TRIL: variants seen among roughly 807,000 people sequenced by gnomAD.
TRIL encodes the protein TLR4 interactor with leucine rich repeats.
In TRIL, 23 loss-of-function variants were observed where a neutral mutation model predicts 43.0. The ratio of observed to expected loss-of-function variants is 0.54; its 90% CI spans 0.39 to 0.76. TRIL has a LOEUF of 0.76. Ranked by LOEUF, TRIL falls within the 30% of genes least tolerant of loss-of-function variation. The pLI, the probability that TRIL is intolerant of heterozygous loss-of-function variation, is 0.00. For synonymous variants in TRIL, 602 were observed against 556.8 expected, an observed-to-expected ratio of 1.08 and a Z score of -1.14; for missense variants, 1,114 against 1,139.3, an observed-to-expected ratio of 0.98 and a Z score of 0.32.
rs925808380 is a variant in TRIL, at chr7:28,955,826, T to G, written c.2221A>C (p.Met741Leu). The G allele has an allele frequency of 1.3e-6, 2 of 1,549,834 alleles. No individual in the cohort carries two copies. Among genetic ancestry groups the G allele is most frequent in the Non-Finnish European group, 1.7e-6 (2 of 1,146,738 alleles). Residue 741 changes from methionine to leucine, a missense_variant, in exon 1 of 1, where the codon ATG becomes CTG. By Grantham distance (15) the Met-to-Leu change is conservative (BLOSUM62 2). Coordinates refer to ENST00000539664, the MANE Select transcript of TRIL (RefSeq NM_014817.4). Reference protein sequence around the residue: ...KGGAPVHVRHMYSTRRPLRSM... With the variant: ...KGGAPVHVRHLYSTRRPLRSM... ...CGCAGGGGCCGTCGGGTGGAGTACA[T>G]GTGCCGAACGTGGACCGGGGCCCCG... is the stretch of plus-strand genomic sequence containing the variant.
chr7:28,955,304 C>A lies in TRIL; in HGVS notation c.*307G>T. 2 of 383,820 alleles carry A rather than the reference C, an allele frequency of 5.2e-6. 1 individual carries two copies. Among genetic ancestry groups the A allele is most frequent in the South Asian group, 2.2e-4 (2 of 9,080 alleles). The allele number at this position is 383,820 out of a possible 1,614,324, so 23.8% of individuals were successfully genotyped here. On this transcript the variant is annotated 3_prime_UTR_variant, in exon 1 of 1. Coordinates refer to ENST00000539664, the MANE Select transcript of TRIL (RefSeq NM_014817.4). ...GGCACAAGCACCCCCTTTCTACCCC[C>A]AAAGCCTGGCTTCTGCATTGCAGTG...
rs2128114537 is a variant in TRIL, at chr7:28,957,517, G to A, written c.530C>T (p.Pro177Leu). ...LGALPDAVFA[P>L]LGNLLYLHLE... ...ATGTAGGTAGAGCAGGTTGCCCAAGGGAGCGAAGACCGCGTCCGGCAGCGC... is the reference window on the plus strand; with the variant it reads ...ATGTAGGTAGAGCAGGTTGCCCAAGAGAGCGAAGACCGCGTCCGGCAGCGC... Residue 177 changes from proline (P) to leucine (L), a missense_variant, in exon 1 of 1, where the codon CCC becomes CTC. Pro to Leu is a moderately conservative substitution (Grantham distance 98, BLOSUM62 -3). Transcript: ENST00000539664. 1 of 1,613,160 alleles carries A rather than the reference G, an allele frequency of 6.2e-7. No individual in the cohort carries two copies. The highest frequency in any genetic ancestry group is 8.5e-7 in the Non-Finnish European group (1 of 1,179,830).
chr7:28,956,356 G>A lies in TRIL; in HGVS notation c.1691C>T (p.Ala564Val). The change falls in exon 1 of 1, where the codon GCC (alanine) becomes GTC (valine). Residue 564 changes from alanine (A) to valine (V), a missense_variant. By Grantham distance (64) the Ala-to-Val change is moderately conservative. Transcript: ENST00000539664. ...CAGCCCGGCCCCACCGTCGGACTGG[G>A]CGGCACGCTCCTGGTGCTCCGTGCC... The part of the protein sequence containing the change: ...RLGTEHQERA[A>V]QSDGGAGLPP... 6.5e-7 allele frequency: 1 copy of A among 1,532,282 alleles called. No homozygotes were observed. 94.9% of individuals were successfully genotyped at this position (1,532,282 alleles called of 1,614,324 possible). A position where few individuals can be genotyped will look rare whatever the true frequency, so the allele number is the denominator to read the frequency against.
Position 28,956,190 on chromosome 7 carries a change from G to T in TRIL, c.1857C>A (p.Arg619=). The part of the protein sequence containing the change: ...HRSPRPLGGA[R]FRLLFDRFGQ... Reference sequence around the variant, plus strand: ...CAAAGCGGTCAAAGAGCAGGCGGAAGCGCGCGCCGCCCAGCGGCCGGGGAC... The same window carrying T: ...CAAAGCGGTCAAAGAGCAGGCGGAATCGCGCGCCGCCCAGCGGCCGGGGAC... The change falls in exon 1 of 1, where the codon CGC becomes CGA. Residue 619 remains arginine, a synonymous_variant. Coordinates refer to ENST00000539664, the MANE Select transcript of TRIL (RefSeq NM_014817.4). The T allele has an allele frequency of 6.4e-7, 1 of 1,568,760 alleles. No individual in the cohort carries two copies.
rs1783410167 is a variant in TRIL, at chr7:28,956,718, A to G, written c.1329T>C (p.Pro443=). ...PTAAGEEMTP[P]AGLAEELPPQ... is the part of the protein sequence containing the mutation. ...GCGGCAGCTCCTCCGCGAGACCTGC[A>G]GGTGGCGTCATCTCCTCCCCTGCGG... Residue 443 remains proline, a synonymous_variant, in exon 1 of 1, where the codon CCT becomes CCC. Coordinates refer to ENST00000539664, the MANE Select transcript of TRIL (RefSeq NM_014817.4). 2.5e-6 allele frequency: 4 copies of G among 1,600,878 alleles called. No homozygotes were observed. The highest frequency in any genetic ancestry group is 2.2e-5 in the East Asian group (1 of 44,672).
Position 28,958,005 on chromosome 7 carries a change from G to A in TRIL, c.42C>T (p.Cys14=). The stretch of plus-strand genomic sequence containing the variant: ...CCAGCGGCGGGAGCGCGAGGCAGCC[G>A]CACACCACGAGCAGGAGGCGCAAGG... The part of the protein sequence containing the change: ...ARALRLLLVV[C]GCLALPPLAE... Residue 14 remains cysteine (C), a synonymous_variant, in exon 1 of 1, where the codon TGC becomes TGT. Transcript: ENST00000539664. 6.3e-7 allele frequency: 1 copy of A among 1,593,466 alleles called. No homozygotes were observed. Among genetic ancestry groups the A allele is most frequent in the Non-Finnish European group, 8.5e-7 (1 of 1,176,028 alleles).
chr7:28,954,410 A>G lies in TRIL; in HGVS notation c.*1201T>C, dbSNP rs1268278609. 2 of 152,660 alleles carry G rather than the reference A, an allele frequency of 1.3e-5. No individual in the cohort carries two copies. The highest frequency in any genetic ancestry group is 2.9e-5 in the Non-Finnish European group (2 of 68,044). 9.5% of individuals were successfully genotyped at this position (152,660 alleles called of 1,614,324 possible). ...CAGTGAGGTTTAAGTACTCATAACA[A>G]TCTTCTGGTTTTAGTAGAACAGATA... On this transcript the variant is annotated 3_prime_UTR_variant, in exon 1 of 1. Coordinates refer to ENST00000539664, the MANE Select transcript of TRIL (RefSeq NM_014817.4).
In TRIL at chr7:28,957,906, G is replaced by A. The variant is rs754261518; in HGVS notation, c.141C>T (p.Arg47=). ...GCAGCGAGCTGGTCTTGGGCACTAC[G>A]CGGAGCCCCCTGTTGGTGCACAGGA... The part of the protein sequence containing the change: ...QHLLCTNRGL[R]VVPKTSSLPS... The change falls in exon 1 of 1, where the codon CGC becomes CGT. Residue 47 remains arginine, a synonymous_variant. Transcript: ENST00000539664. 1 of 1,612,650 alleles carries A rather than the reference G, an allele frequency of 6.2e-7. No individual in the cohort carries two copies. The highest frequency in any genetic ancestry group is 2.2e-5 in the East Asian group (1 of 44,864).
In TRIL at chr7:28,957,213, G is replaced by A. The variant is rs1246494239; in HGVS notation, c.834C>T (p.Ala278=). ...TACCCTCCAGGCGCAGCTCGCGCAGGGCCTCCAAGCCCCAAAAGGCCTCAG... is the reference window on the plus strand; with the variant it reads ...TACCCTCCAGGCGCAGCTCGCGCAGAGCCTCCAAGCCCCAAAAGGCCTCAG... ...LAPEAFWGLE[A]LRELRLEGNR... is the part of the protein sequence containing the mutation. Residue 278 remains alanine, a synonymous_variant, in exon 1 of 1, where the codon GCC becomes GCT. Coordinates refer to ENST00000539664, the MANE Select transcript of TRIL (RefSeq NM_014817.4). 1.2e-6 allele frequency: 2 copies of A among 1,603,770 alleles called. No homozygotes were observed. The highest frequency in any genetic ancestry group is 3.4e-5 in the Admixed American group (2 of 59,486).
chr7:28,957,173 G>C lies in TRIL; in HGVS notation c.874C>G (p.Leu292Val). Reference protein sequence around the residue: ...LRLEGNRLSQLPTALLEPLHS... With the variant: ...LRLEGNRLSQVPTALLEPLHS... The stretch of plus-strand genomic sequence containing the variant: ...AGAGGCTCCAGCAGCGCAGTTGGCA[G>C]CTGGCTCAGCCGATTACCCTCCAGG... The change falls in exon 1 of 1, where the codon CTG becomes GTG. Residue 292 changes from leucine to valine, a missense_variant. Transcript: ENST00000539664. 1 of 1,594,638 alleles carries C rather than the reference G, an allele frequency of 6.3e-7. No individual in the cohort carries two copies. The highest frequency in any genetic ancestry group is 8.5e-7 in the Non-Finnish European group (1 of 1,173,898).
chr7:28,954,017 A>G lies in TRIL; in HGVS notation c.*1594T>C, dbSNP rs1783359888. 1 of 152,614 alleles carries G rather than the reference A, an allele frequency of 6.6e-6. No individual in the cohort carries two copies. Among genetic ancestry groups the G allele is most frequent in the Non-Finnish European group, 1.5e-5 (1 of 68,052 alleles). 9.5% of individuals were successfully genotyped at this position (152,614 alleles called of 1,614,324 possible). A position where few individuals can be genotyped will look rare whatever the true frequency, so the allele number is the denominator to read the frequency against. ...AGGGGCTTAAGGCCCTAAACAGAAGATTCCACTGTCAGCCTTAGCACCATT... is the reference window on the plus strand; with the variant it reads ...AGGGGCTTAAGGCCCTAAACAGAAGGTTCCACTGTCAGCCTTAGCACCATT... On this transcript the variant is annotated 3_prime_UTR_variant, in exon 1 of 1. Transcript: ENST00000539664.
Position 28,955,831 on chromosome 7 carries a change from C to A in TRIL, c.2216G>T (p.Arg739Leu). ...GGGCCGTCGGGTGGAGTACATGTGC[C>A]GAACGTGGACCGGGGCCCCGCCCTT... ...RRKGGAPVHV[R>L]HMYSTRRPLR... Residue 739 changes from arginine to leucine, a missense_variant, in exon 1 of 1, where the codon CGG (arginine) becomes CTG (leucine). Physicochemically the swap from Arg to Leu is moderately radical, Grantham distance 102 (BLOSUM62 -2). Transcript: ENST00000539664. 6.5e-7 allele frequency: 1 copy of A among 1,549,796 alleles called. No homozygotes were observed. Among genetic ancestry groups the A allele is most frequent in the Non-Finnish European group, 8.7e-7 (1 of 1,146,736 alleles).
Position 28,955,841 on chromosome 7 carries a change from C to T in TRIL, c.2206G>A (p.Val736Ile). The T allele has an allele frequency of 6.5e-7, 1 of 1,549,802 alleles. No individual in the cohort carries two copies. Among genetic ancestry groups the T allele is most frequent in the Non-Finnish European group, 8.7e-7 (1 of 1,146,742 alleles). The change falls in exon 1 of 1, where the codon GTC becomes ATC. Residue 736 changes from valine (V) to isoleucine (I), a missense_variant. Coordinates refer to ENST00000539664, the MANE Select transcript of TRIL (RefSeq NM_014817.4). Reference sequence around the variant, plus strand: ...GTGGAGTACATGTGCCGAACGTGGACCGGGGCCCCGCCCTTCCGCCTAGCC... The same window carrying T: ...GTGGAGTACATGTGCCGAACGTGGATCGGGGCCCCGCCCTTCCGCCTAGCC... Reference protein sequence around the residue: ...LRARRKGGAPVHVRHMYSTRR... With the variant: ...LRARRKGGAPIHVRHMYSTRR...
chr7:28,956,195 C>A lies in TRIL; in HGVS notation c.1852G>T (p.Ala618Ser). The stretch of plus-strand genomic sequence containing the variant: ...CGGTCAAAGAGCAGGCGGAAGCGCG[C>A]GCCGCCCAGCGGCCGGGGACTGCGG... The part of the protein sequence containing the change: ...EHRSPRPLGG[A>S]RFRLLFDRFG... Residue 618 changes from alanine to serine, a missense_variant, in exon 1 of 1, where the codon GCG (alanine) becomes TCG (serine). By Grantham distance (99) the Ala-to-Ser change is moderately conservative (BLOSUM62 1). Transcript: ENST00000539664. The A allele has an allele frequency of 6.4e-7, 1 of 1,566,138 alleles. No homozygotes were observed.
chr7:28,957,862 A>T lies in TRIL; in HGVS notation c.185T>A (p.Leu62His). 1.2e-6 allele frequency: 2 copies of T among 1,613,618 alleles called. No individual in the cohort carries two copies. The highest frequency in any genetic ancestry group is 1.7e-6 in the Non-Finnish European group (2 of 1,179,734). Residue 62 changes from leucine (L) to histidine (H), a missense_variant, in exon 1 of 1, where the codon CTC becomes CAC. Leu to His is a moderately conservative substitution (Grantham distance 99). Transcript: ENST00000539664. ...TSSLPSPHDV[L>H]TYSLGGNFIT... is the part of the protein sequence containing the mutation. Reference sequence around the variant, plus strand: ...GAAGTTGCCGCCGAGGCTGTAGGTGAGCACGTCGTGGGGGCTCGGCAGCGA... The same window carrying T: ...GAAGTTGCCGCCGAGGCTGTAGGTGTGCACGTCGTGGGGGCTCGGCAGCGA...
In TRIL at chr7:28,957,685, G is replaced by A. The variant is rs1216357814; in HGVS notation, c.362C>T (p.Ala121Val). 5 of 1,608,722 alleles carry A rather than the reference G, an allele frequency of 3.1e-6. No homozygotes were observed. Among genetic ancestry groups the A allele is most frequent in the Admixed American group, 1.7e-5 (1 of 58,960 alleles). ...ELYLGNNLLQ[A>V]LAPGTLAPLR... ...CGGGGCCAGCGTGCCCGGGGCGAGC[G>A]CCTGCAAGAGGTTGTTCCCCAGGTA... The change falls in exon 1 of 1, where the codon GCG (alanine) becomes GTG (valine). Residue 121 changes from alanine to valine, a missense_variant. By Grantham distance (64) the Ala-to-Val change is moderately conservative (BLOSUM62 0). Coordinates refer to ENST00000539664, the MANE Select transcript of TRIL (RefSeq NM_014817.4).
chr7:28,954,692 T>G lies in TRIL; in HGVS notation c.*919A>C, dbSNP rs535824330. Reference sequence around the variant, plus strand: ...AACACACTGTCACAGATGTGGTAAGTGAACTGGAACACTGGTGTTCCCCAG... The same window carrying G: ...AACACACTGTCACAGATGTGGTAAGGGAACTGGAACACTGGTGTTCCCCAG... On this transcript the variant is annotated 3_prime_UTR_variant, in exon 1 of 1. Coordinates refer to ENST00000539664, the MANE Select transcript of TRIL (RefSeq NM_014817.4). The G allele has an allele frequency of 2.0e-5, 3 of 152,344 alleles. No homozygotes were observed. The highest frequency in any genetic ancestry group is 6.5e-5 in the Admixed American group (1 of 15,304). 9.4% of individuals were successfully genotyped at this position (152,344 alleles called of 1,614,324 possible).
chr7:28,957,813 G>A lies in TRIL; in HGVS notation c.234C>T (p.Asp78=). 1 of 1,613,884 alleles carries A rather than the reference G, an allele frequency of 6.2e-7. No homozygotes were observed. Among genetic ancestry groups the A allele is most frequent in the Non-Finnish European group, 8.5e-7 (1 of 1,179,764 alleles). ...GTCTGAGCTGCCCCAGACGGTGGAA[G>A]TCGAAGGCCGTGATGTTGGTTATGA... ...GNFITNITAF[D]FHRLGQLRRL... is the part of the protein sequence containing the mutation. The change falls in exon 1 of 1, where the codon GAC becomes GAT. Residue 78 remains aspartate, a synonymous_variant. Transcript: ENST00000539664.
At position 28,955,755 on chromosome 7, in the gene TRIL, C is replaced by T. The variant is rs1295075264; in HGVS notation, c.2292G>A (p.Ser764=). ...CGCACACGGTGGTGCGTGGCCGGTG[C>T]GACTGGAATCCCGAGAAGTCGGCGG... The part of the protein sequence containing the change: ...GVSADFSGFQ[S]HRPRTTVCAL... The change falls in exon 1 of 1, where the codon TCG becomes TCA. Residue 764 remains serine (S), a synonymous_variant. Transcript: ENST00000539664. 2 of 1,550,320 alleles carry T rather than the reference C, an allele frequency of 1.3e-6. No homozygotes were observed. The highest frequency in any genetic ancestry group is 8.7e-7 in the Non-Finnish European group (1 of 1,146,880).
Sources: gnomAD v4.1 joint callset for allele counts on GRCh38, gnomAD v4.1.1 for gene constraint, MANE v1.5 for transcripts, NCBI Gene and HGNC (gene_info 2026-07-23, HGNC 2026-07-21) for gene names.